Variants in IARS2 observed in about 807,000 individuals in gnomAD.
The protein encoded by IARS2 is isoleucine--tRNA ligase, mitochondrial.
In IARS2, 56 loss-of-function variants were observed where a neutral mutation model predicts 126.3. The ratio of observed to expected loss-of-function variants is 0.44; its 90% CI spans 0.36 to 0.55. The LOEUF is 0.55. Among genes scored for constraint, IARS2 ranks in the 20% least tolerant of loss-of-function variants. The pLI, the probability that IARS2 is intolerant of heterozygous loss-of-function variation, is 0.00. For missense variants in IARS2, 1,127 were observed against 1,245.9 expected (o/e 0.90, Z 1.44); for synonymous variants, 407 against 441.1 (o/e 0.92, Z 0.97).
chr1:220,099,910 AAT>A (rs921194026), intron 2 of IARS2, among the ~76,000 whole-genome samples: 3 of 152,102 alleles, frequency 2.0e-5, no homozygotes, highest in Non-Finnish European at 4.4e-5. Flanking sequence ...AGAATATAAT[AAT>A]ATCTTTTCTA....
chr1:220,122,935 TAA>T lies in IARS2; in HGVS notation c.1641-2292_1641-2291del, dbSNP rs113019679. 1.6e-4 allele frequency among the ~76,000 whole-genome samples: 23 copies of T among 145,848 alleles called. No individual in the cohort carries two copies. In the East Asian group the frequency reaches 3.6e-3, roughly 23 times the overall value. On this transcript the variant is annotated intron_variant, in intron 12 of 22. Transcript: ENST00000366922. ...ACTTGCCAGTCTAATGATAACATTG[TAA>T]AAAAAAAAAGGCAAAATGACACCCA...
chr1:220,105,241 C>T (rs1656654538), intron 8 of IARS2, among the ~76,000 whole-genome samples: 1 of 152,134 alleles, frequency 6.6e-6, no homozygotes, highest in Admixed American at 6.5e-5. Flanking sequence ...CACCCAGCCC[C>T]CTGCTCTTTT....
In IARS2 at chr1:220,143,054, G is replaced by C. The variant is rs1462928940; in HGVS notation, c.2671G>C (p.Gly891Arg). The C allele has an allele frequency of 6.2e-7, 1 of 1,614,126 alleles. No individual in the cohort carries two copies. The highest frequency in any genetic ancestry group is 2.2e-5 in the East Asian group (1 of 44,874). Residue 891 changes from glycine (G) to arginine (R), a missense_variant, in exon 21 of 23, where the codon GGA (glycine) becomes CGA (arginine). Transcript: ENST00000366922. ...GTGTGCAATGCGAGACTCATTTCTT[G>C]GAAGCATCCCTGGCAAAAATGCAGC... ...SACAMRDSFL[G>R]SIPGKNAAEY...
chr1:220,130,555 A>G (rs191477707), intron 14 of IARS2, among the ~76,000 whole-genome samples: 1 of 151,706 alleles, frequency 6.6e-6, no homozygotes, highest in East Asian at 1.9e-4. Flanking sequence ...GTAGGGGTCT[A>G]TTTTCTTTCT....
intron 12 of IARS2, among the ~76,000 whole-genome samples, chr1:220,120,388 T>C (rs1657015285): frequency 6.6e-6 from 1 of 151,750 alleles, no homozygotes; most frequent in South Asian, 2.1e-4. Context: ...GGCCTTTTTT[T>C]TTTTTGAGAT....
At chr1:220,107,242 C>T in intron 10 of IARS2, 91 bp downstream of exon 10, 1 of 770,114 alleles carries the variant, frequency 1.3e-6, no homozygotes, top group South Asian at 1.6e-5. Flanking sequence ...TATACTTTAA[C>T]AGAAACAAAA....
chr1:220,124,989 A>G (rs574863367), intron 12 of IARS2, among the ~76,000 whole-genome samples: 10 of 152,240 alleles, frequency 6.6e-5, no homozygotes, highest in African/African-American at 1.2e-4. Context: ...GGCTTTGAGT[A>G]TAAGTACCTG....
intron 10 of IARS2, among the ~76,000 whole-genome samples, chr1:220,109,364 C>G (rs975777610): frequency 6.7e-6 from 1 of 150,072 alleles, no homozygotes; most frequent in Non-Finnish European, 1.5e-5. Context: ...TGCACCACTG[C>G]ACTCCATCCT....
In IARS2 at chr1:220,105,023, T is replaced by C. The variant is rs549373299; in HGVS notation, c.1067-868T>C. 1.1e-4 allele frequency among the ~76,000 whole-genome samples: 16 copies of C among 152,348 alleles called. No individual in the cohort carries two copies. In the South Asian group the frequency reaches 3.3e-3, roughly 32 times the overall value. Reference sequence around the variant, plus strand: ...ACCTTAACAAAAATAAAAAGATTTTTATGTCAGAGGCAGGAAAGGAGCTTA... The same window carrying C: ...ACCTTAACAAAAATAAAAAGATTTTCATGTCAGAGGCAGGAAAGGAGCTTA... On this transcript the variant is annotated intron_variant, in intron 8 of 22. Coordinates refer to ENST00000366922, the MANE Select transcript of IARS2 (RefSeq NM_018060.4).
intron 2 of IARS2, among the ~76,000 whole-genome samples, chr1:220,098,196 G>A (rs1181948160): frequency 5.9e-5 from 9 of 152,158 alleles, no homozygotes; most frequent in Non-Finnish European, 2.9e-5. Flanking sequence ...CAAAACAGTG[G>A]CATCTTACAA....
intron 5 of IARS2, 31 bp from the exon 6 acceptor site, chr1:220,102,464 A>G (rs1461444836): frequency 1.9e-6 from 3 of 1,610,140 alleles, no homozygotes; most frequent in Non-Finnish European, 8.5e-7. Flanking sequence ...GAGGCTTCCA[A>G]GTATTTATGT....
At chr1:220,135,368 CTT>C (rs869128311) in intron 15 of IARS2, among the ~76,000 whole-genome samples, 1 of 148,920 alleles carries the variant, frequency 6.7e-6, no homozygotes, top group East Asian at 2.0e-4. Context: ...TCACATGTTT[CTT>C]TTTTTTTTGA....
At chr1:220,143,815 TA>T in intron 21 of IARS2, 1 of 475,118 alleles carries the variant, frequency 2.1e-6, no homozygotes, top group Non-Finnish European at 3.7e-6. Flanking sequence ...TTGGGATTTT[TA>T]GGGGTTGATT....
Position 220,138,988 on chromosome 1 carries a change from T to A in IARS2, c.2176-20T>A. ...ACCATTAGATTTTTTTAACTGCATA[T>A]TTTTTCTTCCTATGAATAGCTTAGG... On this transcript the variant is annotated intron_variant, in intron 17 of 22. Transcript: ENST00000366922. The A allele has an allele frequency of 6.3e-7, 1 of 1,595,756 alleles. No individual in the cohort carries two copies. The highest frequency in any genetic ancestry group is 8.5e-7 in the Non-Finnish European group (1 of 1,172,638).
chr1:220,128,923 A>G (rs1376292926), intron 14 of IARS2, among the ~76,000 whole-genome samples: 2 of 149,124 alleles, frequency 1.3e-5, no homozygotes, highest in Admixed American at 6.7e-5. Flanking sequence ...TTTTTTCGAG[A>G]CAGTGTCTCA....
chr1:220,125,457 T>A, intron 13 of IARS2, 118 bp downstream of exon 13: 1 of 648,196 alleles, frequency 1.5e-6, no homozygotes, highest in Non-Finnish European at 2.7e-6. Context: ...TTATTTACTG[T>A]AAATTAGAAG....
chr1:220,143,553 A>G (rs781220719), intron 21 of IARS2, among the ~76,000 whole-genome samples: 1 of 152,162 alleles, frequency 6.6e-6, no homozygotes, highest in Non-Finnish European at 1.5e-5. Flanking sequence ...CCTCAGGACT[A>G]TTTAGAAGAC....
intron 15 of IARS2, among the ~76,000 whole-genome samples, chr1:220,135,370 T>A (rs548594652): frequency 1.3e-5 from 2 of 151,290 alleles, no homozygotes; most frequent in Admixed American, 1.3e-4. Context: ...ACATGTTTCT[T>A]TTTTTTTTGA....
At chr1:220,139,626 A>G (rs1215567189) in intron 18 of IARS2, among the ~76,000 whole-genome samples, 1 of 152,024 alleles carries the variant, frequency 6.6e-6, no homozygotes, top group Non-Finnish European at 1.5e-5. Context: ...TAGCCAGTGC[A>G]TGTAGTCCCA....
Sources: allele counts gnomAD v4.1 joint callset (sites outside exome capture counted in the v4.1 genomes callset), GRCh38; gene constraint gnomAD v4.1.1; transcripts MANE v1.5; gene names NCBI Gene and HGNC (gene_info 2026-07-23, HGNC 2026-07-21).